Variants in NEB observed in about 807,000 individuals in gnomAD.
The protein encoded by NEB is nemaline myopathy type 2.
In NEB, 512 loss-of-function variants were observed where a neutral mutation model predicts 952.2. The ratio of observed to expected loss-of-function variants is 0.54; its 90% CI spans 0.50 to 0.58. The LOEUF (loss-of-function observed/expected upper bound fraction) is 0.58. NEB is among the 20% of genes least tolerant of loss of function. The pLI is 0.00. For missense variants in NEB, 8,428 were observed against 9,231.1 expected (o/e 0.91, Z 3.56); for synonymous variants, 2,900 against 3,149.8 (o/e 0.92, Z 2.66).
Position 151,619,536 on chromosome 2 carries a change from T to G in NEB, c.10787A>C (p.Tyr3596Ser), listed in dbSNP as rs1171719558. 1.2e-6 allele frequency: 2 copies of G among 1,613,990 alleles called. No homozygotes were observed. Among genetic ancestry groups the G allele is most frequent in the South Asian group, 2.2e-5 (2 of 91,086 alleles). ...GATCCATTCATGCAGAGGATGTTTATAGTCCACATCGCTGACCAAGGTCTG... is the reference window on the plus strand; with the variant it reads ...GATCCATTCATGCAGAGGATGTTTAGAGTCCACATCGCTGACCAAGGTCTG... ...KCQTLVSDVD[Y>S]KHPLHEWICL... Residue 3596 changes from tyrosine (Y) to serine (S), a missense_variant, in exon 73 of 182, where the codon TAT becomes TCT. Tyr to Ser is a moderately radical substitution (Grantham distance 144, BLOSUM62 -2). This residue lies in a region of NEB where 1,772 missense variants were observed against 1,960.3 expected (regional missense o/e 0.90). Coordinates refer to ENST00000397345, the MANE Select transcript of NEB (RefSeq NM_001164508.2).
Position 151,570,165 on chromosome 2 carries a change from G to A in NEB, c.17346C>T (p.Tyr5782=). The A allele has an allele frequency of 6.2e-7, 1 of 1,613,494 alleles. No homozygotes were observed. The highest frequency in any genetic ancestry group is 8.5e-7 in the Non-Finnish European group (1 of 1,179,678). The change falls in exon 109 of 182, where the codon TAC becomes TAT. Residue 5782 remains tyrosine, a synonymous_variant. Coordinates refer to ENST00000397345, the MANE Select transcript of NEB (RefSeq NM_001164508.2). ...AGGTCCACTGGTGCAGGTAATTGCG[G>A]TAATCCATGTCACTGACCAGAGCCT... is the stretch of plus-strand genomic sequence containing the variant. ...NSQALVSDMD[Y]RNYLHQWTCM...
intron 37 of NEB, among the ~76,000 whole-genome samples, chr2:151,671,985 G>C (rs1482894250): frequency 1.3e-5 from 1 of 76,126 alleles, no homozygotes; most frequent in African/African-American, 2.7e-5. Context: ...AGTTAATAAA[G>C]GAAAAAAAAA....
chr2:151,497,865 G>C, intron 170 of NEB, 147 bp from the exon 171 acceptor site: 1 of 1,508,018 alleles, frequency 6.6e-7, no homozygotes, highest in Non-Finnish European at 8.8e-7. Context: ...AGTGGAAGCT[G>C]TTGTTGGGAT....
chr2:151,581,565 TC>T lies in NEB; in HGVS notation c.16201del (p.Glu5401ArgfsTer7). 9.7e-7 allele frequency: 1 copy of T among 1,033,530 alleles called. No individual in the cohort carries two copies. Among genetic ancestry groups the T allele is most frequent in the Non-Finnish European group, 1.4e-6 (1 of 712,058 alleles). 64.0% of individuals were successfully genotyped at this position (1,033,530 alleles called of 1,614,324 possible). On this transcript the variant is annotated frameshift_variant, in exon 103 of 182. Coordinates refer to ENST00000397345, the MANE Select transcript of NEB (RefSeq NM_001164508.2). LOFTEE classifies it high-confidence loss of function. Reference protein sequence around the residue: ...ISEPLYRDAWEKEKANVNVPA... With the variant: ...ISEPLYRDAWXKEKANVNVPA... ...CACGTTCACATTAGCCTTCTCTTTC[TC>T]CCAGGCATCGCGATACAATGGCTGG...
chr2:151,729,487 G>A, intron 4 of NEB, 128 bp downstream of exon 4: 1 of 1,029,018 alleles, frequency 9.7e-7, no homozygotes, highest in Admixed American at 1.9e-5. Context: ...TCTGGGCACA[G>A]GTAGGTGAGT....
At position 151,614,262 on chromosome 2, in the gene NEB, T is replaced by C; in HGVS notation, c.11601+14A>G. On this transcript the variant is annotated intron_variant, in intron 77 of 181. Transcript: ENST00000397345. ...TTTTCTAAACCATTACTGAAGAATATTAGAGCCACTCACATCACTCTGCAG... is the reference window on the plus strand; with the variant it reads ...TTTTCTAAACCATTACTGAAGAATACTAGAGCCACTCACATCACTCTGCAG... The C allele has an allele frequency of 1.2e-6, 2 of 1,610,178 alleles. No individual in the cohort carries two copies. Among genetic ancestry groups the C allele is most frequent in the Non-Finnish European group, 1.7e-6 (2 of 1,176,794 alleles).
intron 71 of NEB, among the ~76,000 whole-genome samples, chr2:151,623,029 G>A (rs912893526): frequency 1.3e-5 from 2 of 152,146 alleles, no homozygotes; most frequent in Non-Finnish European, 2.9e-5. Context: ...GTGTATGTAT[G>A]GAAGTTGAAG....
chr2:151,549,812 A>G lies in NEB; in HGVS notation c.19945-72T>C, dbSNP rs563991393. ...AACTGATCTGAGCTTAACAAATCACATATAGCTCATGTTACAGTTTTGACT... is the reference window on the plus strand; with the variant it reads ...AACTGATCTGAGCTTAACAAATCACGTATAGCTCATGTTACAGTTTTGACT... On this transcript the variant is annotated intron_variant, in intron 129 of 181. Coordinates refer to ENST00000397345, the MANE Select transcript of NEB (RefSeq NM_001164508.2). 4 of 836,846 alleles carry G rather than the reference A, an allele frequency of 4.8e-6. No homozygotes were observed. In the African/African-American group the frequency reaches 6.7e-5, roughly 14 times the overall value. 51.8% of individuals were successfully genotyped at this position (836,846 alleles called of 1,614,324 possible). A position where few individuals can be genotyped will look rare whatever the true frequency, so the allele number is the denominator to read the frequency against.
At chr2:151,523,695 C>T (rs1338717627) in intron 153 of NEB, among the ~76,000 whole-genome samples, 1 of 152,122 alleles carries the variant, frequency 6.6e-6, no homozygotes, top group Admixed American at 6.5e-5. Flanking sequence ...TTGGGCAACA[C>T]ATTTCTGAGT....
At chr2:151,539,628 GAC>G (rs1224676060) in intron 138 of NEB, among the ~76,000 whole-genome samples, 1 of 152,128 alleles carries the variant, frequency 6.6e-6, no homozygotes, top group Non-Finnish European at 1.5e-5. Context: ...TGGACCCTGA[GAC>G]ACAAAACCCG....
chr2:151,659,181 A>G lies in NEB; in HGVS notation c.5971-12T>C. 6.4e-7 allele frequency: 1 copy of G among 1,571,956 alleles called. No individual in the cohort carries two copies. The highest frequency in any genetic ancestry group is 1.7e-4 in the Middle Eastern group (1 of 5,996). ...TGTTTGTAGAGATGCTAGGAAAAAA[A>G]CAGTGTAAATTAGTGTTTAAAATCT... On this transcript the variant is annotated splice_polypyrimidine_tract_variant and intron_variant, in intron 46 of 181. Transcript: ENST00000397345.
chr2:151,713,766 A>G (rs530092700), intron 10 of NEB, among the ~76,000 whole-genome samples: 4 of 152,184 alleles, frequency 2.6e-5, no homozygotes, highest in Non-Finnish European at 4.4e-5. Context: ...TCTATGTTAG[A>G]GCTACAAAAT....
Position 151,630,828 on chromosome 2 carries a change from GAAGAT to G in NEB, c.9619-14_9619-10del. 7 of 1,568,018 alleles carry G rather than the reference GAAGAT, an allele frequency of 4.5e-6. No individual in the cohort carries two copies. The highest frequency in any genetic ancestry group is 6.1e-6 in the Non-Finnish European group (7 of 1,152,430). On this transcript the variant is annotated splice_polypyrimidine_tract_variant and intron_variant, in intron 66 of 181. Coordinates refer to ENST00000397345, the MANE Select transcript of NEB (RefSeq NM_001164508.2). Reference sequence around the variant, plus strand: ...GCCTCTGTGTATAAACGCTATAAAAGAAGATAAGATGCTGATTAAAAATCATTTGA... The same window carrying G: ...GCCTCTGTGTATAAACGCTATAAAAGAAGATGCTGATTAAAAATCATTTGA...
intron 70 of NEB, among the ~76,000 whole-genome samples, chr2:151,626,475 T>C (rs1232351833): frequency 6.6e-6 from 1 of 152,060 alleles, no homozygotes; most frequent in East Asian, 1.9e-4. Context: ...AAAGAAACCA[T>C]ACCAAATCAT....
rs4664475 is a variant in NEB, at chr2:151,531,039, T to C, written c.21585A>G (p.Thr7195=). The change falls in exon 145 of 182, where the codon ACA becomes ACG. Residue 7195 remains threonine (T), a synonymous_variant. Coordinates refer to ENST00000397345, the MANE Select transcript of NEB (RefSeq NM_001164508.2). ...KPRGYTTIHD[T]PMLLHVRKVK... is the part of the protein sequence containing the mutation. ...CCTTGCGGACATGCAGCAACATGGG[T>C]GTGTCGTGGATTGTGGTGTAGCCTC... 971,261 of 1,611,460 alleles carry C rather than the reference T, an allele frequency of 0.6. 297,798 individuals are homozygous for C. The highest frequency in any genetic ancestry group is 0.71 in the Admixed American group (42,355 of 59,884).
chr2:151,641,031 G>A (rs2098840151), intron 60 of NEB, among the ~76,000 whole-genome samples: 1 of 152,038 alleles, frequency 6.6e-6, no homozygotes, highest in Non-Finnish European at 1.5e-5. Flanking sequence ...GGTTTTATAT[G>A]CTCAATGATC....
chr2:151,560,936 T>G (rs2095999576), intron 123 of NEB, 68 bp downstream of exon 123: 1 of 977,412 alleles, frequency 1.0e-6, no homozygotes, highest in Admixed American at 2.6e-5. Flanking sequence ...CCATCCCATT[T>G]ATTCTCTTAC....
In NEB at chr2:151,519,039, G is replaced by A; in HGVS notation, c.22621C>T (p.His7541Tyr). ...TCCTTCATGTCAGTCACGGGTTTGT[G>A]AAGTTTCTTCAGGTCAGCCTTGTAT... ...VKYKADLKKL[H>Y]KPVTDMKESL... Residue 7541 changes from histidine to tyrosine, a missense_variant, in exon 155 of 182, where the codon CAC (histidine) becomes TAC (tyrosine). His to Tyr is a moderately conservative substitution (Grantham distance 83). Transcript: ENST00000397345. 1.9e-6 allele frequency: 3 copies of A among 1,613,590 alleles called. No homozygotes were observed. In the South Asian group the frequency reaches 3.3e-5, roughly 18 times the overall value.
chr2:151,575,637 AG>A, intron 107 of NEB, 57 bp downstream of exon 107: 4 of 1,185,752 alleles, frequency 3.4e-6, no homozygotes, highest in Non-Finnish European at 5.0e-6. Flanking sequence ...CCATGCTCAT[AG>A]TATAGCCCTG....
Sources: allele counts gnomAD v4.1 joint callset (sites outside exome capture counted in the v4.1 genomes callset), GRCh38; gene constraint gnomAD v4.1.1; regional missense constraint gnomAD v4.1.1; transcripts MANE v1.5; gene names NCBI Gene and HGNC (gene_info 2026-07-23, HGNC 2026-07-21).